Variants in POLQ observed in about 807,000 individuals in gnomAD.
The protein encoded by POLQ is DNA polymerase theta, also known as epididymis secretory sperm binding protein.
Under a neutral mutation model 259.2 loss-of-function variants are expected in POLQ, and 233 were observed. The ratio of observed to expected loss-of-function variants is 0.90; its 90% confidence interval spans 0.81 to 1.00. POLQ has a LOEUF of 1.00. POLQ is among the 50% of genes least tolerant of loss of function. POLQ has a pLI of 0.00. For synonymous variants in POLQ, 1,025 were observed against 1,048.8 expected, an observed-to-expected ratio of 0.98 and a Z score of 0.44; for missense variants, 2,871 against 3,051.6, an observed-to-expected ratio of 0.94 and a Z score of 1.39.
At chr3:121,476,034 GA>G (rs2047922451) in intron 20 of POLQ, among the ~76,000 whole-genome samples, 1 of 152,118 alleles carries the variant, frequency 6.6e-6, no homozygotes, top group South Asian at 2.1e-4. Flanking sequence ...CGAAGGAACA[GA>G]AAATCAAATA....
In POLQ at chr3:121,519,354, T is replaced by G. The variant is rs765986109; in HGVS notation, c.1468+517A>C. On this transcript the variant is annotated intron_variant, in intron 9 of 29. Coordinates refer to ENST00000264233, the MANE Select transcript of POLQ (RefSeq NM_199420.4). ...TTCAACATTTGTAGAAAATCAACAGTTGATGATATATATATATATATATAT... is the reference window on the plus strand; with the variant it reads ...TTCAACATTTGTAGAAAATCAACAGGTGATGATATATATATATATATATAT... Among the ~76,000 whole-genome samples the G allele has an allele frequency of 2.3e-4, 24 of 102,624 alleles. 1 individual carries two copies. The highest frequency in any genetic ancestry group is 9.9e-3 in the Middle Eastern group (2 of 202). The allele number at this position is 102,624 out of a possible 152,430, so 67.3% of individuals were successfully genotyped here.
Position 121,544,731 on chromosome 3 carries a change from A to C in POLQ, c.339T>G (p.Tyr113Ter). The change falls in exon 2 of 30, where the codon TAT becomes TAG. Residue 113 changes from tyrosine (Y) to a stop codon, truncating the protein, a stop_gained. Transcript: ENST00000264233. LOFTEE classifies it high-confidence loss of function. ...AGTTTACATAAATTTGGATACCTGA[A>C]TAAACTAAATTCTTTCCTTCCAGGA... is the stretch of plus-strand genomic sequence containing the variant. ...GQVLEGKNLVYSAPTSAGKTL... is the reference protein window; with the variant it reads ...GQVLEGKNLV 6.2e-7 allele frequency: 1 copy of C among 1,600,972 alleles called. No individual in the cohort carries two copies. Among genetic ancestry groups the C allele is most frequent in the East Asian group, 2.2e-5 (1 of 44,796 alleles).
chr3:121,502,929 G>A (rs560377159), intron 12 of POLQ, among the ~76,000 whole-genome samples: 86 of 151,400 alleles, frequency 5.7e-4, no homozygotes, highest in Non-Finnish European at 9.6e-4. Flanking sequence ...AAACCCTTGA[G>A]TAAACACTAA....
Position 121,476,596 on chromosome 3 carries a change from C to T in POLQ, c.6349G>A (p.Ala2117Thr). The T allele has an allele frequency of 6.2e-7, 1 of 1,613,938 alleles. No homozygotes were observed. Among genetic ancestry groups the T allele is most frequent in the Non-Finnish European group, 8.5e-7 (1 of 1,179,920 alleles). ...QAKLDAIETQ[A>T]YQLAGHSFSF... Reference sequence around the variant, plus strand: ...AAACTGTGGCCAGCTAGTTGATAGGCCTGGGTCTCAATTGCATCCAGCTTG... The same window carrying T: ...AAACTGTGGCCAGCTAGTTGATAGGTCTGGGTCTCAATTGCATCCAGCTTG... Residue 2117 changes from alanine (A) to threonine (T), a missense_variant, in exon 20 of 30, where the codon GCC (alanine) becomes ACC (threonine). Physicochemically the swap from Ala to Thr is moderately conservative, Grantham distance 58. Coordinates refer to ENST00000264233, the MANE Select transcript of POLQ (RefSeq NM_199420.4).
intron 7 of POLQ, among the ~76,000 whole-genome samples, chr3:121,529,424 C>G (rs2048395341): frequency 6.6e-6 from 1 of 152,174 alleles, no homozygotes; most frequent in African/African-American, 2.4e-5. Flanking sequence ...TTCTAAAAAT[C>G]TAAAGCTGAT....
chr3:121,518,762 T>TTG (rs1387144559), intron 9 of POLQ, among the ~76,000 whole-genome samples: 7 of 151,932 alleles, frequency 4.6e-5, no homozygotes, highest in South Asian at 4.2e-4. Flanking sequence ...CTGTTTTGTT[T>TTG]TTTTTTGACA....
At position 121,493,584 on chromosome 3, in the gene POLQ, T is replaced by C. The variant is rs761605669; in HGVS notation, c.2416A>G (p.Arg806Gly). 6 of 1,614,146 alleles carry C rather than the reference T, an allele frequency of 3.7e-6. No homozygotes were observed. Among genetic ancestry groups the C allele is most frequent in the Admixed American group, 1.7e-5 (1 of 60,020 alleles). The change falls in exon 15 of 30, where the codon AGA becomes GGA. Residue 806 changes from arginine to glycine, a missense_variant. Physicochemically the swap from Arg to Gly is moderately radical, Grantham distance 125. Coordinates refer to ENST00000264233, the MANE Select transcript of POLQ (RefSeq NM_199420.4). ...LVRVSLLNAQ[R>G]ARVLYASGFH... ...CCAGAAGCATAGAGAACCCTGGCTC[T>C]CTGAGCATTTAGTAAGGATACCCGA...
chr3:121,463,416 AGGTC>A, intron 24 of POLQ, among the ~76,000 whole-genome samples: 1 of 152,182 alleles, frequency 6.6e-6, no homozygotes, highest in East Asian at 1.9e-4. Flanking sequence ...AGTCTCAGGT[AGGTC>A]TTTATTAGCA....
chr3:121,510,534 G>A (rs977497246), intron 10 of POLQ, among the ~76,000 whole-genome samples: 1 of 151,558 alleles, frequency 6.6e-6, no homozygotes, highest in African/African-American at 2.4e-5. Flanking sequence ...CCAAGATCAC[G>A]CCACTGCACT....
intron 4 of POLQ, among the ~76,000 whole-genome samples, chr3:121,539,077 T>C (rs912280145): frequency 6.6e-6 from 1 of 152,056 alleles, no homozygotes; most frequent in Non-Finnish European, 1.5e-5. Context: ...CAGCAGAATA[T>C]AATAACAAAA....
intron 24 of POLQ, among the ~76,000 whole-genome samples, chr3:121,463,656 G>A (rs1340639470): frequency 6.6e-6 from 1 of 151,934 alleles, no homozygotes; most frequent in Non-Finnish European, 1.5e-5. Context: ...CAAACCAGTG[G>A]CATAGATATT....
chr3:121,503,512 A>G lies in POLQ; in HGVS notation c.1960-4842T>C, dbSNP rs72969993. Among the ~76,000 whole-genome samples, 503 of 152,342 alleles carry G rather than the reference A, an allele frequency of 3.3e-3. 5 individuals are homozygous for G. The highest frequency in any genetic ancestry group is 0.011 in the African/African-American group (478 of 41,570). Reference sequence around the variant, plus strand: ...CCGACTTTCAACAATGAATAGAACTACTAAGAAAATCAAAAGGAAATAGAA... The same window carrying G: ...CCGACTTTCAACAATGAATAGAACTGCTAAGAAAATCAAAAGGAAATAGAA... On this transcript the variant is annotated intron_variant, in intron 12 of 29. Transcript: ENST00000264233.
chr3:121,532,719 C>G (rs567422949), intron 6 of POLQ, among the ~76,000 whole-genome samples: 15 of 151,878 alleles, frequency 9.9e-5, no homozygotes, highest in African/African-American at 3.4e-4. Context: ...TTTTTAGTAG[C>G]GACAGGGTTT....
intron 25 of POLQ, among the ~76,000 whole-genome samples, chr3:121,455,441 G>A (rs1436385772): frequency 1.3e-5 from 2 of 149,990 alleles, no homozygotes; most frequent in African/African-American, 2.5e-5. Context: ...AATGAATCCA[G>A]GAGCTGGTTT....
intron 12 of POLQ, among the ~76,000 whole-genome samples, chr3:121,503,640 T>C (rs2048189149): frequency 6.6e-6 from 1 of 152,212 alleles, no homozygotes; most frequent in South Asian, 2.1e-4. Context: ...TGTGGGGGAC[T>C]GGTTCCAGGA....
At chr3:121,438,288 A>T (rs2047561069) in intron 27 of POLQ, among the ~76,000 whole-genome samples, 1 of 152,240 alleles carries the variant, frequency 6.6e-6, no homozygotes. Context: ...GGCATGAAAA[A>T]GTCTTATTAC....
At chr3:121,484,421 T>G (rs976093163) in intron 17 of POLQ, among the ~76,000 whole-genome samples, 1 of 152,206 alleles carries the variant, frequency 6.6e-6, no homozygotes, top group African/African-American at 2.4e-5. Flanking sequence ...ACTGCCATCG[T>G]TTAGTCTTCA....
intron 24 of POLQ, among the ~76,000 whole-genome samples, chr3:121,465,559 T>G (rs2047828343): frequency 6.6e-6 from 1 of 152,240 alleles, no homozygotes; most frequent in Admixed American, 6.5e-5. Flanking sequence ...TTGGCAACTC[T>G]GAGTGGAGCA....
At position 121,509,672 on chromosome 3, in the gene POLQ, C is replaced by T. The variant is rs764812825; in HGVS notation, c.1848G>A (p.Ser616=). 4 of 1,613,642 alleles carry T rather than the reference C, an allele frequency of 2.5e-6. No individual in the cohort carries two copies. The highest frequency in any genetic ancestry group is 2.7e-5 in the African/African-American group (2 of 74,950). Reference sequence around the variant, plus strand: ...GAGAAAGTGAAGAAGAAAGAGTGGCCGAACCAAGATGTGTTGGATGATACA... The same window carrying T: ...GAGAAAGTGAAGAAGAAAGAGTGGCTGAACCAAGATGTGTTGGATGATACA... ...GKVYHPTHLG[S]ATLSSSLSPA... is the part of the protein sequence containing the mutation. The change falls in exon 12 of 30, where the codon TCG becomes TCA. Residue 616 remains serine, a synonymous_variant. Transcript: ENST00000264233.
Sources: allele counts gnomAD v4.1 joint callset (sites outside exome capture counted in the v4.1 genomes callset), GRCh38; gene constraint gnomAD v4.1.1; transcripts MANE v1.5; gene names NCBI Gene and HGNC (gene_info 2026-07-23, HGNC 2026-07-21).